KATNIP: variants seen among roughly 807,000 people sequenced by gnomAD.
KATNIP encodes katanin-interacting protein.
KATNIP carries 126 observed loss-of-function variants against 174.0 expected under a neutral mutation model. That is an observed-to-expected ratio of 0.72 (90% CI 0.63 to 0.84). The LOEUF is 0.84. Ranked by LOEUF, KATNIP falls within the 40% of genes least tolerant of loss-of-function variation. KATNIP has a pLI of 0.00. For synonymous variants in KATNIP, 810 were observed against 835.7 expected (o/e 0.97, Z 0.53); for missense variants, 1,958 against 2,109.7 (o/e 0.93, Z 1.41).
intron 8 of KATNIP, among the ~76,000 whole-genome samples, chr16:27,690,356 AG>A (rs2078678751): frequency 9.0e-6 from 1 of 111,540 alleles, no homozygotes; most frequent in Non-Finnish European, 2.0e-5. Context: ...ATAGATAGAT[AG>A]ATAGATGATA....
At chr16:27,626,075 G>A (rs993505104) in intron 3 of KATNIP, among the ~76,000 whole-genome samples, 10 of 151,844 alleles carry the variant, frequency 6.6e-5, no homozygotes, top group African/African-American at 2.2e-4. Flanking sequence ...ATCTCAGAAC[G>A]CCTGGGCTCA....
chr16:27,635,495 CAAA>C (rs1473803319), intron 5 of KATNIP, among the ~76,000 whole-genome samples: 1 of 151,570 alleles, frequency 6.6e-6, no homozygotes, highest in East Asian at 1.9e-4. Flanking sequence ...AGGGAGCATT[CAAA>C]AGTGGTGAAT....
intron 23 of KATNIP, among the ~76,000 whole-genome samples, chr16:27,773,890 A>G (rs1411999574): frequency 1.3e-5 from 2 of 151,922 alleles, no homozygotes; most frequent in Non-Finnish European, 2.9e-5. Context: ...CTCAGGGCTC[A>G]CTCTGTGCTA....
At chr16:27,702,497 G>A (rs913566559) in intron 11 of KATNIP, among the ~76,000 whole-genome samples, 3 of 152,180 alleles carry the variant, frequency 2.0e-5, no homozygotes, top group Non-Finnish European at 4.4e-5. Flanking sequence ...TTTCTAGCAT[G>A]CCATGGCACA....
intron 14 of KATNIP, among the ~76,000 whole-genome samples, chr16:27,724,225 G>C (rs1305297629): frequency 6.6e-6 from 1 of 152,112 alleles, no homozygotes; most frequent in African/African-American, 2.4e-5. Context: ...AGCTTCTGGG[G>C]TCGGGTCCTC....
chr16:27,756,926 G>A (rs1467425864), intron 18 of KATNIP, among the ~76,000 whole-genome samples: 2 of 152,110 alleles, frequency 1.3e-5, no homozygotes, highest in Non-Finnish European at 2.9e-5. Context: ...GGAAAGTCCT[G>A]GAAGCTCCAG....
In KATNIP at chr16:27,777,486, CTT is replaced by C; in HGVS notation, c.4552-123_4552-122del. 1 of 863,804 alleles carries C rather than the reference CTT, an allele frequency of 1.2e-6. No homozygotes were observed. The highest frequency in any genetic ancestry group is 1.7e-6 in the Non-Finnish European group (1 of 574,856). 53.5% of individuals were successfully genotyped at this position (863,804 alleles called of 1,614,324 possible). A position where few individuals can be genotyped will look rare whatever the true frequency, so the allele number is the denominator to read the frequency against. ...AGGCAGACACAGCACACAGTAGGCGCTTGTTCCTGACAGCCCCGTCTTCCCGA... is the reference window on the plus strand; with the variant it reads ...AGGCAGACACAGCACACAGTAGGCGCGTTCCTGACAGCCCCGTCTTCCCGA... On this transcript the variant is annotated intron_variant, in intron 25 of 27. Transcript: ENST00000261588. This position sits in a 1 kb window ranked among gnomAD's most constrained non-coding sequence, Gnocchi z 4.4.
intron 2 of KATNIP, among the ~76,000 whole-genome samples, chr16:27,601,068 C>T (rs2075508009): frequency 6.6e-6 from 1 of 152,204 alleles, no homozygotes; most frequent in African/African-American, 2.4e-5. Context: ...TGCCACACTG[C>T]ACTGGAGCAA....
At chr16:27,651,285 C>CT (rs533064431) in intron 6 of KATNIP, among the ~76,000 whole-genome samples, 130 of 152,198 alleles carry the variant, frequency 8.5e-4, no homozygotes, top group African/African-American at 3.0e-3. Context: ...TCTCTCTTTT[C>CT]TTTTTTTTCC....
chr16:27,616,046 G>A (rs565118938), intron 2 of KATNIP, among the ~76,000 whole-genome samples: 5 of 152,014 alleles, frequency 3.3e-5, no homozygotes, highest in Admixed American at 6.6e-5. Context: ...ATATTGTATC[G>A]TTAATCCTCC....
intron 14 of KATNIP, among the ~76,000 whole-genome samples, chr16:27,737,431 C>A (rs1033743402): frequency 6.6e-6 from 1 of 151,894 alleles, no homozygotes; most frequent in Non-Finnish European, 1.5e-5. Flanking sequence ...TATTGGAATT[C>A]CTGTTAGATA....
intron 10 of KATNIP, 173 bp from the exon 11 acceptor site, chr16:27,701,416 G>A: frequency 1.8e-6 from 1 of 570,298 alleles, no homozygotes; most frequent in East Asian, 2.9e-5. Flanking sequence ...GAGATGGTGT[G>A]AGGGGTTCTA....
chr16:27,557,620 G>C (rs1202746988), intron 1 of KATNIP, among the ~76,000 whole-genome samples: 1 of 151,904 alleles, frequency 6.6e-6, no homozygotes, highest in African/African-American at 2.4e-5. Context: ...GGAGATGGGG[G>C]TCTTGCTATG....
At chr16:27,678,276 A>G (rs936753234) in intron 7 of KATNIP, among the ~76,000 whole-genome samples, 2 of 152,236 alleles carry the variant, frequency 1.3e-5, no homozygotes. Flanking sequence ...CAGTTGGCTA[A>G]TACAGACTAG....
At chr16:27,589,321 G>T (rs1209706742) in intron 2 of KATNIP, among the ~76,000 whole-genome samples, 1 of 152,184 alleles carries the variant, frequency 6.6e-6, no homozygotes. Context: ...AAAGGATCAG[G>T]TAATAAATAC....
chr16:27,745,508 C>T (rs780217306), intron 15 of KATNIP, among the ~76,000 whole-genome samples: 7 of 152,246 alleles, frequency 4.6e-5, no homozygotes, highest in Non-Finnish European at 1.0e-4. Flanking sequence ...GCCAATTGGT[C>T]TACTTGGGTC....
chr16:27,760,477 A>G (rs943241036), intron 18 of KATNIP, among the ~76,000 whole-genome samples: 3 of 152,130 alleles, frequency 2.0e-5, no homozygotes, highest in Admixed American at 2.0e-4. Context: ...TCTCTGATCG[A>G]GAGAGGATGG....
chr16:27,659,009 C>T (rs1297785342), intron 6 of KATNIP, among the ~76,000 whole-genome samples: 1 of 151,812 alleles, frequency 6.6e-6, no homozygotes, highest in Non-Finnish European at 1.5e-5. Context: ...TCAAGTGATA[C>T]ACCTGCCTTG....
At chr16:27,778,516 C>T in intron 27 of KATNIP, 58 bp from the exon 28 acceptor site, 1 of 1,550,680 alleles carries the variant, frequency 6.4e-7, no homozygotes, top group Non-Finnish European at 8.9e-7. Context: ...GAGTGTGGGG[C>T]ACCCCTCCAG....
Sources: gnomAD v4.1 joint callset for allele counts (sites outside exome capture counted in the v4.1 genomes callset) on GRCh38, gnomAD v4.1.1 for gene constraint, Gnocchi (gnomAD v3.1) non-coding constraint, MANE v1.5 for transcripts, NCBI Gene and HGNC (gene_info 2026-07-23, HGNC 2026-07-21) for gene names.